Variants in RAB8B observed in about 807,000 individuals in gnomAD.
RAB8B encodes ras-related protein Rab-8B.
A neutral mutation model predicts 32.0 loss-of-function variants in RAB8B; 11 were observed. That is an observed-to-expected ratio of 0.34 (90% CI 0.22 to 0.57). The LOEUF (loss-of-function observed/expected upper bound fraction) is 0.57. RAB8B is among the 20% of genes least tolerant of loss of function. RAB8B has a pLI of 0.86. For missense variants in RAB8B, 190 were observed against 258.5 expected, an observed-to-expected ratio of 0.73 and a Z score of 1.82; for synonymous variants, 103 against 89.6, an observed-to-expected ratio of 1.15 and a Z score of -0.85.
chr15:63,238,293 G>A (rs16946690), intron 1 of RAB8B, among the ~76,000 whole-genome samples: 37,995 of 151,770 alleles, frequency 0.25, 5,017 homozygotes, highest in Admixed American at 0.36. Flanking sequence ...TGCTGTTGGT[G>A]TGATAGCCCC....
In RAB8B at chr15:63,219,767, T is replaced by C. The variant is rs147084660; in HGVS notation, c.125-24989T>C. The stretch of plus-strand genomic sequence containing the variant: ...GATCAGACAGATCCCTTTTTTTCCA[T>C]GAAAGAAAACTGGGTCTTTTACTAT... On this transcript the variant is annotated intron_variant, in intron 1 of 7. Coordinates refer to ENST00000321437, the MANE Select transcript of RAB8B (RefSeq NM_016530.3). 7.2e-3 allele frequency among the ~76,000 whole-genome samples: 1,094 copies of C among 152,318 alleles called. 11 individuals carry two copies. The highest frequency in any genetic ancestry group is 0.024 in the African/African-American group (1,015 of 41,572).
Position 63,267,305 on chromosome 15 carries a change from T to G in RAB8B, c.*3686T>G, listed in dbSNP as rs557548308. 1 of 152,824 alleles carries G rather than the reference T, an allele frequency of 6.5e-6. No individual in the cohort carries two copies. Among genetic ancestry groups the G allele is most frequent in the East Asian group, 1.9e-4 (1 of 5,196 alleles). The allele number at this position is 152,824 out of a possible 1,614,324, so 9.5% of individuals were successfully genotyped here. A position where few individuals can be genotyped will look rare whatever the true frequency, so the allele number is the denominator to read the frequency against. ...TTCTAGGGATATTTTCAGATTTTAC[T>G]TCATTTCTTGAAATGCGTGTGCCAT... On this transcript the variant is annotated 3_prime_UTR_variant, in exon 8 of 8. Transcript: ENST00000321437.
At chr15:63,228,209 G>T (rs73441290) in intron 1 of RAB8B, among the ~76,000 whole-genome samples, 1 of 152,014 alleles carries the variant, frequency 6.6e-6, no homozygotes, top group African/African-American at 2.4e-5. Flanking sequence ...GTAGAGTAGG[G>T]TCTCCTTTGT....
At chr15:63,251,095 CA>C (rs1486684988) in intron 3 of RAB8B, among the ~76,000 whole-genome samples, 3 of 152,098 alleles carry the variant, frequency 2.0e-5, no homozygotes, top group South Asian at 4.2e-4. Flanking sequence ...TGAAGTGTAC[CA>C]CTAACCATTT....
At chr15:63,193,426 G>A (rs1181967038) in intron 1 of RAB8B, among the ~76,000 whole-genome samples, 2 of 152,080 alleles carry the variant, frequency 1.3e-5, no homozygotes, top group African/African-American at 2.4e-5. Flanking sequence ...GAAATTATTG[G>A]TCAAGTGCCT....
intron 1 of RAB8B, among the ~76,000 whole-genome samples, chr15:63,209,116 C>T (rs2037724649): frequency 6.6e-6 from 1 of 151,888 alleles, no homozygotes; most frequent in South Asian, 2.1e-4. Context: ...GTTTTGAACT[C>T]CTGAGCTCAC....
chr15:63,215,799 G>A (rs1048557108), intron 1 of RAB8B, among the ~76,000 whole-genome samples: 2 of 152,114 alleles, frequency 1.3e-5, no homozygotes, highest in African/African-American at 4.8e-5. Context: ...CACTTTGGGA[G>A]GCTGAGGCAG....
chr15:63,226,030 G>A lies in RAB8B; in HGVS notation c.125-18726G>A, dbSNP rs111980869. ...TCATTTTTGTATTTTCTGTAGAGAC[G>A]GGATTTTGCCATGTTCCCAGGCTGG... On this transcript the variant is annotated intron_variant, in intron 1 of 7. Coordinates refer to ENST00000321437, the MANE Select transcript of RAB8B (RefSeq NM_016530.3). 4.7e-3 allele frequency among the ~76,000 whole-genome samples: 707 copies of A among 151,942 alleles called. 4 individuals are homozygous for A. The highest frequency in any genetic ancestry group is 0.016 in the African/African-American group (673 of 41,436).
At chr15:63,246,896 T>C (rs758089459) in intron 2 of RAB8B, among the ~76,000 whole-genome samples, 4 of 152,192 alleles carry the variant, frequency 2.6e-5, no homozygotes, top group South Asian at 4.1e-4. Context: ...TTAAACACTT[T>C]GTTGGAGATT....
In RAB8B at chr15:63,238,414, G is replaced by A. The variant is rs973389495; in HGVS notation, c.125-6342G>A. Among the ~76,000 whole-genome samples the A allele has an allele frequency of 2.0e-5, 3 of 152,198 alleles. No homozygotes were observed. In the East Asian group the frequency reaches 5.8e-4, roughly 29 times the overall value. On this transcript the variant is annotated intron_variant, in intron 1 of 7. Transcript: ENST00000321437. The stretch of plus-strand genomic sequence containing the variant: ...TGTGGTCACAGTTCAGCACAGAGAT[G>A]TTGTGGCAGCTACTTGGGCTGCTCA...
intron 1 of RAB8B, among the ~76,000 whole-genome samples, chr15:63,239,699 C>T (rs918198564): frequency 5.3e-5 from 8 of 152,258 alleles, no homozygotes; most frequent in Non-Finnish European, 1.2e-4. Context: ...TGAGCCACCG[C>T]ACCTGGCCAA....
intron 4 of RAB8B, among the ~76,000 whole-genome samples, chr15:63,255,941 C>G (rs1211531185): frequency 1.3e-5 from 2 of 152,196 alleles, no homozygotes; most frequent in African/African-American, 4.8e-5. Context: ...AGCTTCTATC[C>G]CACCATGCTG....
At chr15:63,233,928 C>A (rs933323230) in intron 1 of RAB8B, among the ~76,000 whole-genome samples, 1 of 152,106 alleles carries the variant, frequency 6.6e-6, no homozygotes, top group African/African-American at 2.4e-5. Flanking sequence ...GCATTGAAAT[C>A]TTGCATTGTT....
chr15:63,254,969 A>G (rs1209305417), intron 3 of RAB8B, among the ~76,000 whole-genome samples: 2 of 152,216 alleles, frequency 1.3e-5, no homozygotes, highest in Non-Finnish European at 2.9e-5. Context: ...GCCTTTCATT[A>G]AACCAGTATA....
intron 1 of RAB8B, among the ~76,000 whole-genome samples, chr15:63,194,862 G>A (rs182388226): frequency 2.3e-4 from 35 of 152,320 alleles, no homozygotes; most frequent in African/African-American, 7.7e-4. Flanking sequence ...GAGACCATAT[G>A]TATCCCACAA....
chr15:63,208,373 T>C (rs369455764), intron 1 of RAB8B, among the ~76,000 whole-genome samples: 6 of 152,292 alleles, frequency 3.9e-5, no homozygotes, highest in East Asian at 1.9e-4. Context: ...TTAAAATGCC[T>C]CTTTACTTAT....
chr15:63,218,957 C>G (rs1406251497), intron 1 of RAB8B, among the ~76,000 whole-genome samples: 1 of 148,466 alleles, frequency 6.7e-6, no homozygotes, highest in Non-Finnish European at 1.5e-5. Flanking sequence ...ATTTTTCTCT[C>G]TCTCACTAAA....
intron 1 of RAB8B, among the ~76,000 whole-genome samples, chr15:63,204,456 G>A (rs72747092): frequency 0.044 from 6,714 of 152,166 alleles, 236 homozygotes; most frequent in East Asian, 0.18. Context: ...AAAAAACAGC[G>A]TAGAACACCC....
At chr15:63,255,614 G>C (rs762272799) in intron 4 of RAB8B, 30 bp downstream of exon 4, 14 of 1,528,802 alleles carry the variant, frequency 9.2e-6, no homozygotes, top group Non-Finnish European at 1.3e-5. Flanking sequence ...GGTGACATTG[G>C]AGAAGAGTCC....
Sources: gnomAD v4.1 joint callset for allele counts (sites outside exome capture counted in the v4.1 genomes callset) on GRCh38, gnomAD v4.1.1 for gene constraint, MANE v1.5 for transcripts, NCBI Gene and HGNC (gene_info 2026-07-23, HGNC 2026-07-21) for gene names.